NCOA3: variants seen among roughly 807,000 people sequenced by gnomAD.
NCOA3 encodes the protein CBP-interacting protein.
NCOA3 carries 51 observed loss-of-function variants against 158.8 expected under a neutral mutation model. The observed-to-expected ratio is 0.32, with a 90% CI of 0.26 to 0.41. The LOEUF (loss-of-function observed/expected upper bound fraction) is 0.41. Ranked by LOEUF, NCOA3 falls within the 10% of genes least tolerant of loss-of-function variation. The probability of loss-of-function intolerance (pLI) is 1.00; values close to 1 mark genes in which losing one functional copy is unlikely to be tolerated. For missense variants in NCOA3, 1,510 were observed against 1,746.6 expected (o/e 0.86, Z 2.41); for synonymous variants, 537 against 592.4 (o/e 0.91, Z 1.36).
Position 47,635,883 on chromosome 20 carries a change from A to G in NCOA3, c.1505-8A>G, listed in dbSNP as rs931966632. On this transcript the variant is annotated splice_polypyrimidine_tract_variant and splice_region_variant and intron_variant, in intron 11 of 22. Transcript: ENST00000371998. ...TAATTCTTTTCCTAAATTTTTTTTC[A>G]AATTCAGGTGTGCACTCTCCCATGG... The G allele has an allele frequency of 5.7e-6, 9 of 1,573,558 alleles. No homozygotes were observed. Among genetic ancestry groups the G allele is most frequent in the Non-Finnish European group, 7.7e-6 (9 of 1,164,882 alleles).
chr20:47,608,640 CA>C (rs148545557), intron 2 of NCOA3, among the ~76,000 whole-genome samples: 35,803 of 98,680 alleles, frequency 0.36, 3,743 homozygotes, highest in Middle Eastern at 0.42. Context: ...ACCCTGTCTC[CA>C]AAAAAAAAAA....
chr20:47,602,693 G>T (rs140370871), intron 2 of NCOA3, among the ~76,000 whole-genome samples: 1 of 152,228 alleles, frequency 6.6e-6, no homozygotes, highest in East Asian at 1.9e-4. Context: ...ATTCCTAGGC[G>T]CTGAGAAGAA....
At position 47,525,544 on chromosome 20, in the gene NCOA3, C is replaced by T. The variant is rs574804675; in HGVS notation, c.-99+23525C>T. 2.6e-4 allele frequency among the ~76,000 whole-genome samples: 38 copies of T among 144,358 alleles called. 1 individual carries two copies. Among genetic ancestry groups the T allele is most frequent in the Non-Finnish European group, 4.6e-4 (30 of 65,320 alleles). The allele number at this position is 144,358 out of a possible 152,430, so 94.7% of individuals were successfully genotyped here. A position where few individuals can be genotyped will look rare whatever the true frequency, so the allele number is the denominator to read the frequency against. On this transcript the variant is annotated intron_variant, in intron 1 of 22. Coordinates refer to ENST00000371998, the MANE Select transcript of NCOA3 (RefSeq NM_181659.3). ...GGCGCCCCTCACCTCCTGGACGGGG[C>T]GGCTGGCCGGACGGGGGGCTGACCC...
intron 1 of NCOA3, among the ~76,000 whole-genome samples, chr20:47,557,550 T>G (rs1435798029): frequency 6.6e-6 from 1 of 152,196 alleles, no homozygotes; most frequent in Non-Finnish European, 1.5e-5. Flanking sequence ...GTTTCTAATA[T>G]TGAGAGGACC....
chr20:47,512,490 C>T (rs2084160970), intron 1 of NCOA3, among the ~76,000 whole-genome samples: 1 of 151,584 alleles, frequency 6.6e-6, no homozygotes, highest in Admixed American at 6.6e-5. Context: ...ATTGCTTGAA[C>T]CCGGCAGGCG....
chr20:47,544,636 T>C lies in NCOA3; in HGVS notation c.-98-38547T>C, dbSNP rs541786923. 1.7e-4 allele frequency among the ~76,000 whole-genome samples: 26 copies of C among 152,322 alleles called. No homozygotes were observed. In the South Asian group the frequency reaches 5.2e-3, roughly 30 times the overall value. The stretch of plus-strand genomic sequence containing the variant: ...AATACTATTGAAATTACCTAGTAAC[T>C]TCTTTTTCTTCCCAAGCATTTGATT... On this transcript the variant is annotated intron_variant, in intron 1 of 22. Transcript: ENST00000371998.
intron 8 of NCOA3, among the ~76,000 whole-genome samples, chr20:47,632,385 T>G (rs1176783673): frequency 6.6e-6 from 1 of 151,198 alleles, no homozygotes; most frequent in African/African-American, 2.4e-5. Context: ...CAAGAGGTTT[T>G]TTTTTTTTTT....
intron 2 of NCOA3, among the ~76,000 whole-genome samples, chr20:47,585,314 G>A (rs964414072): frequency 1.3e-5 from 2 of 152,058 alleles, no homozygotes; most frequent in African/African-American, 4.8e-5. Context: ...AAAGTGCTGG[G>A]ATTATAGGCG....
intron 1 of NCOA3, among the ~76,000 whole-genome samples, chr20:47,572,521 C>T (rs762686143): frequency 6.6e-6 from 1 of 151,844 alleles, no homozygotes; most frequent in Non-Finnish European, 1.5e-5. Context: ...TAAGCTTAAT[C>T]ATTTCTAGCC....
At chr20:47,633,913 G>C in intron 9 of NCOA3, 135 bp from the exon 10 acceptor site, 1 of 1,170,476 alleles carries the variant, frequency 8.5e-7, no homozygotes, top group Non-Finnish European at 1.2e-6. Context: ...TTACCCTGTT[G>C]ATGATTTTGG....
At chr20:47,608,318 A>AAAAAC (rs893928762) in intron 2 of NCOA3, among the ~76,000 whole-genome samples, 5 of 151,934 alleles carry the variant, frequency 3.3e-5, no homozygotes, top group African/African-American at 4.8e-5. Flanking sequence ...CTCCATCTCA[A>AAAAAC]AAAACAAAAC....
At chr20:47,570,170 T>G (rs2085269120) in intron 1 of NCOA3, among the ~76,000 whole-genome samples, 2 of 152,154 alleles carry the variant, frequency 1.3e-5, no homozygotes, top group Non-Finnish European at 2.9e-5. Context: ...AAGAAGCAAC[T>G]CCTTAAGGCT....
intron 2 of NCOA3, among the ~76,000 whole-genome samples, chr20:47,612,891 T>TTGA (rs1483202804): frequency 6.6e-6 from 1 of 152,200 alleles, no homozygotes; most frequent in African/African-American, 2.4e-5. Flanking sequence ...CATGTAGAGG[T>TTGA]TGAGAAGTCT....
intron 1 of NCOA3, among the ~76,000 whole-genome samples, chr20:47,509,368 TGA>T (rs1211922292): frequency 6.6e-6 from 1 of 152,244 alleles, no homozygotes; most frequent in Admixed American, 6.5e-5. Flanking sequence ...CACACCAGCC[TGA>T]GTGACAGAGT....
chr20:47,542,938 C>G (rs1226459871), intron 1 of NCOA3, among the ~76,000 whole-genome samples: 1 of 152,176 alleles, frequency 6.6e-6, no homozygotes, highest in Non-Finnish European at 1.5e-5. Context: ...GTACTCCAGT[C>G]TGGGTGACAG....
intron 2 of NCOA3, among the ~76,000 whole-genome samples, chr20:47,590,968 G>C (rs2085624428): frequency 6.6e-6 from 1 of 151,990 alleles, no homozygotes; most frequent in African/African-American, 2.4e-5. Context: ...AATTAGCTGG[G>C]GGTGGTGATG....
intron 1 of NCOA3, among the ~76,000 whole-genome samples, chr20:47,526,113 A>T (rs1238280860): frequency 7.4e-6 from 1 of 135,650 alleles, no homozygotes; most frequent in African/African-American, 2.8e-5. Flanking sequence ...CGCTCCTCAC[A>T]TCCCGGACGG....
intron 18 of NCOA3, among the ~76,000 whole-genome samples, chr20:47,648,461 G>GTA (rs749731878): frequency 3.2e-4 from 49 of 151,684 alleles, no homozygotes; most frequent in South Asian, 1.0e-3. Flanking sequence ...TTGTGTGTGT[G>GTA]TATATATATA....
intron 2 of NCOA3, among the ~76,000 whole-genome samples, chr20:47,588,967 C>T (rs551432475): frequency 5.9e-5 from 9 of 152,270 alleles, no homozygotes; most frequent in African/African-American, 2.2e-4. Flanking sequence ...CAGCTCACTG[C>T]AACCTCTGCC....
Sources: allele counts gnomAD v4.1 joint callset (sites outside exome capture counted in the v4.1 genomes callset), GRCh38; gene constraint gnomAD v4.1.1; transcripts MANE v1.5; gene names NCBI Gene and HGNC (gene_info 2026-07-23, HGNC 2026-07-21).